CAMK2B: variants seen among roughly 807,000 people sequenced by gnomAD.
CAMK2B encodes calcium/calmodulin-dependent protein kinase type II subunit beta.
Under a neutral mutation model 93.7 loss-of-function variants are expected in CAMK2B, and 27 were observed. The observed-to-expected ratio is 0.29, with a 90% CI of 0.21 to 0.40. CAMK2B has a LOEUF of 0.40. CAMK2B is among the 10% of genes least tolerant of loss of function. The probability of loss-of-function intolerance (pLI) is 1.00; values close to 1 mark genes in which losing one functional copy is unlikely to be tolerated. For missense variants in CAMK2B, 568 were observed against 895.8 expected (o/e 0.63, Z 4.67); for synonymous variants, 374 against 358.8 (o/e 1.04, Z -0.48).
At chr7:44,228,459 CAG>C (rs1242315096) in intron 19 of CAMK2B, among the ~76,000 whole-genome samples, 2 of 152,044 alleles carry the variant, frequency 1.3e-5, no homozygotes, top group Non-Finnish European at 2.9e-5. Flanking sequence ...CAGTGATCAG[CAG>C]AGAGGGCCTA....
At chr7:44,299,284 C>CA (rs1221677566) in intron 1 of CAMK2B, among the ~76,000 whole-genome samples, 1 of 152,176 alleles carries the variant, frequency 6.6e-6, no homozygotes, top group Non-Finnish European at 1.5e-5. Flanking sequence ...AAGCCAGTCA[C>CA]AAAAGACACA....
At chr7:44,262,318 G>A (rs570447786) in intron 3 of CAMK2B, among the ~76,000 whole-genome samples, 5 of 152,300 alleles carry the variant, frequency 3.3e-5, no homozygotes, top group Admixed American at 2.6e-4. Flanking sequence ...AGCGGCTGCC[G>A]TCCCTAGGGC....
chr7:44,235,553 G>C (rs899330020), intron 13 of CAMK2B, among the ~76,000 whole-genome samples: 4 of 152,236 alleles, frequency 2.6e-5, no homozygotes, highest in Admixed American at 6.5e-5. Flanking sequence ...GAAAAGGAAA[G>C]GTGAGAAGGG....
rs115569968 is a variant in CAMK2B, at chr7:44,273,469, C to T, written c.161-10405G>A. 4.7e-3 allele frequency among the ~76,000 whole-genome samples: 710 copies of T among 152,290 alleles called. 7 individuals are homozygous for T. Among genetic ancestry groups the T allele is most frequent in the African/African-American group, 0.016 (676 of 41,550 alleles). On this transcript the variant is annotated intron_variant, in intron 2 of 23. Coordinates refer to ENST00000395749, the MANE Select transcript of CAMK2B (RefSeq NM_001220.5). ...TAGACTCTCCAGTCTAGGAAAACAA[C>T]GGTGGCCCCCCACAGGGCAGGCACA...
intron 20 of CAMK2B, among the ~76,000 whole-genome samples, 153 bp downstream of exon 20, chr7:44,226,362 TG>T (rs2096478286): frequency 6.6e-6 from 1 of 152,238 alleles, no homozygotes; most frequent in African/African-American, 2.4e-5. Flanking sequence ...GGCACCTTCA[TG>T]TGCTTCAAAG....
chr7:44,246,955 C>T (rs536255886), intron 6 of CAMK2B, among the ~76,000 whole-genome samples, 165 bp downstream of exon 6: 1 of 152,142 alleles, frequency 6.6e-6, no homozygotes, highest in South Asian at 2.1e-4. Context: ...CATGCACATG[C>T]ATGCACACAC....
chr7:44,241,694 C>A lies in CAMK2B; in HGVS notation c.903+6G>T, dbSNP rs778381877. ...CCGTGCCTGGGACTAGGGGCCAGGGCCTCACCTTGAGCTTTCTCCTGGCAT... is the reference window on the plus strand; with the variant it reads ...CCGTGCCTGGGACTAGGGGCCAGGGACTCACCTTGAGCTTTCTCCTGGCAT... On this transcript the variant is annotated splice_donor_region_variant and intron_variant, in intron 11 of 23. Coordinates refer to ENST00000395749, the MANE Select transcript of CAMK2B (RefSeq NM_001220.5). 1.2e-6 allele frequency: 2 copies of A among 1,610,146 alleles called. No individual in the cohort carries two copies. Among genetic ancestry groups the A allele is most frequent in the Admixed American group, 3.3e-5 (2 of 60,014 alleles).
At chr7:44,250,973 G>T (rs142379306) in intron 5 of CAMK2B, among the ~76,000 whole-genome samples, 1 of 152,206 alleles carries the variant, frequency 6.6e-6, no homozygotes, top group Non-Finnish European at 1.5e-5. Context: ...GGAATTTCCA[G>T]CTTTGTTGGT....
intron 2 of CAMK2B, among the ~76,000 whole-genome samples, chr7:44,275,699 A>T (rs1055652745): frequency 2.6e-5 from 4 of 151,258 alleles, no homozygotes; most frequent in Non-Finnish European, 5.9e-5. Context: ...AATCATACTT[A>T]ACTGCTAAAT....
intron 1 of CAMK2B, among the ~76,000 whole-genome samples, chr7:44,302,088 T>C (rs1309855595): frequency 2.0e-5 from 3 of 152,280 alleles, no homozygotes; most frequent in Admixed American, 6.5e-5. Context: ...ATCCCACGGA[T>C]ATTAAAAGAC....
intron 1 of CAMK2B, among the ~76,000 whole-genome samples, chr7:44,316,438 G>A (rs1350609893): frequency 1.3e-5 from 2 of 152,050 alleles, no homozygotes; most frequent in African/African-American, 4.8e-5. Flanking sequence ...CTAGTGTTTT[G>A]TTGAGGATGC....
chr7:44,290,067 T>C (rs751013621), intron 1 of CAMK2B, among the ~76,000 whole-genome samples: 9 of 152,150 alleles, frequency 5.9e-5, no homozygotes, highest in Admixed American at 4.6e-4. Flanking sequence ...ATGTGCACTC[T>C]CCTCACTCAG....
chr7:44,231,489 C>T (rs1218605500), intron 16 of CAMK2B, among the ~76,000 whole-genome samples: 1 of 152,260 alleles, frequency 6.6e-6, no homozygotes, highest in Non-Finnish European at 1.5e-5. Flanking sequence ...GACTCTTTAA[C>T]AAGAGAGGAA....
rs6966275 is a variant in CAMK2B, at chr7:44,312,752, A to C, written c.65+12605T>G. On this transcript the variant is annotated intron_variant, in intron 1 of 23. Coordinates refer to ENST00000395749, the MANE Select transcript of CAMK2B (RefSeq NM_001220.5). This position sits in a 1 kb window ranked among gnomAD's most constrained non-coding sequence, Gnocchi z 4.1. Reference sequence around the variant, plus strand: ...TCCTGGGTTGGATGTCATGTGGACAATTGGTCAAGATAAGAATTTGTGAAT... The same window carrying C: ...TCCTGGGTTGGATGTCATGTGGACACTTGGTCAAGATAAGAATTTGTGAAT... Among the ~76,000 whole-genome samples, 17,703 of 152,260 alleles carry C rather than the reference A, an allele frequency of 0.12. 1,322 individuals are homozygous for C. Among genetic ancestry groups the C allele is most frequent in the Non-Finnish European group, 0.16 (10,822 of 67,994 alleles).
chr7:44,232,668 C>T (rs1467783105), intron 16 of CAMK2B, among the ~76,000 whole-genome samples, 154 bp downstream of exon 16: 4 of 151,564 alleles, frequency 2.6e-5, no homozygotes, highest in African/African-American at 7.3e-5. Flanking sequence ...TTGTTGCCCA[C>T]GAAGACGGAC....
In CAMK2B at chr7:44,263,069, G is replaced by A. The variant is rs747224603; in HGVS notation, c.161-5C>T. 1 of 1,613,354 alleles carries A rather than the reference G, an allele frequency of 6.2e-7. No individual in the cohort carries two copies. Among genetic ancestry groups the A allele is most frequent in the South Asian group, 1.1e-5 (1 of 91,040 alleles). ...CTCTCTCCAGCTTCTGGTGATCTGG[G>A]GGACAGGAAAAACAAGGCGTCACCT... On this transcript the variant is annotated splice_polypyrimidine_tract_variant and splice_region_variant and intron_variant, in intron 2 of 23. Coordinates refer to ENST00000395749, the MANE Select transcript of CAMK2B (RefSeq NM_001220.5).
At chr7:44,223,886 C>T (rs2096443032) in intron 20 of CAMK2B, among the ~76,000 whole-genome samples, 1 of 152,186 alleles carries the variant, frequency 6.6e-6, no homozygotes, top group Non-Finnish European at 1.5e-5. Context: ...GACAGCTGCC[C>T]CTCCCACTCC....
intron 1 of CAMK2B, among the ~76,000 whole-genome samples, chr7:44,306,767 G>C (rs1447086723): frequency 2.0e-5 from 3 of 149,908 alleles, no homozygotes; most frequent in Non-Finnish European, 4.5e-5. Flanking sequence ...AGGGGGAGGA[G>C]GATGCGAGCA....
intron 4 of CAMK2B, among the ~76,000 whole-genome samples, chr7:44,256,377 C>G (rs2096833976): frequency 6.6e-6 from 1 of 152,066 alleles, no homozygotes; most frequent in African/African-American, 2.4e-5. Context: ...GTGTCTGTAC[C>G]TATGTGTGCC....
Sources: allele counts gnomAD v4.1 joint callset (sites outside exome capture counted in the v4.1 genomes callset), GRCh38; gene constraint gnomAD v4.1.1; non-coding constraint Gnocchi (gnomAD v3.1); transcripts MANE v1.5; gene names NCBI Gene and HGNC (gene_info 2026-07-23, HGNC 2026-07-21).